GRM7: variants seen among roughly 807,000 people sequenced by gnomAD.
GRM7 encodes glutamate metabotropic receptor 7.
A neutral mutation model predicts 84.5 loss-of-function variants in GRM7; 35 were observed. The observed-to-expected ratio is 0.41, with a 90% confidence interval of 0.32 to 0.55. The LOEUF (loss-of-function observed/expected upper bound fraction) is 0.55, where lower values mean the gene tolerates loss of function less well. Ranked by LOEUF, GRM7 falls within the 20% of genes least tolerant of loss-of-function variation. The pLI is 0.19. For missense variants in GRM7, 1,003 were observed against 1,194.6 expected (o/e 0.84, Z 2.36); for synonymous variants, 487 against 455.1 (o/e 1.07, Z -0.89).
intron 7 of GRM7, among the ~76,000 whole-genome samples, chr3:7,542,807 A>C (rs1692951930): frequency 6.6e-6 from 1 of 151,824 alleles, no homozygotes; most frequent in African/African-American, 2.4e-5. Flanking sequence ...CGGCCTCCCA[A>C]AATTCTGGGA....
chr3:7,333,753 ATAT>A (rs1260777693), intron 4 of GRM7, among the ~76,000 whole-genome samples: 2 of 152,068 alleles, frequency 1.3e-5, no homozygotes, highest in Non-Finnish European at 2.9e-5. Flanking sequence ...AGAGAAATAA[ATAT>A]TATAAAGAAA....
chr3:7,453,811 G>A (rs908863435), intron 6 of GRM7, among the ~76,000 whole-genome samples: 8 of 152,200 alleles, frequency 5.3e-5, no homozygotes, highest in Middle Eastern at 3.4e-3. Context: ...TAGGCTAAGC[G>A]GGAATACCTG....
At chr3:7,258,174 A>T (rs1164629442) in intron 2 of GRM7, among the ~76,000 whole-genome samples, 1 of 152,066 alleles carries the variant, frequency 6.6e-6, no homozygotes, top group Non-Finnish European at 1.5e-5. Flanking sequence ...TTTTTTCTTT[A>T]AATTTAAACC....
chr3:7,666,082 A>T (rs933745619), intron 8 of GRM7, among the ~76,000 whole-genome samples: 2 of 152,178 alleles, frequency 1.3e-5, no homozygotes, highest in Admixed American at 6.5e-5. Flanking sequence ...TGATGATTAT[A>T]TATACTGTGA....
At chr3:7,528,588 T>C (rs1377242643) in intron 7 of GRM7, among the ~76,000 whole-genome samples, 2 of 152,118 alleles carry the variant, frequency 1.3e-5, no homozygotes, top group African/African-American at 4.8e-5. Context: ...CTTGTTTTTA[T>C]AGTTCCTTTA....
chr3:7,347,272 T>C (rs2125086837), intron 4 of GRM7, among the ~76,000 whole-genome samples: 1 of 152,302 alleles, frequency 6.6e-6, no homozygotes, highest in South Asian at 2.1e-4. Flanking sequence ...CTCCTTATAA[T>C]GCCTTAGAGT....
intron 2 of GRM7, among the ~76,000 whole-genome samples, chr3:7,176,282 A>G (rs1400060857): frequency 1.4e-5 from 2 of 143,500 alleles, no homozygotes; most frequent in Non-Finnish European, 3.0e-5. Context: ...GTGGTGGTGC[A>G]TGCCTGTGGT....
chr3:7,675,052 A>C (rs918119610), intron 8 of GRM7, among the ~76,000 whole-genome samples: 3 of 152,240 alleles, frequency 2.0e-5, no homozygotes, highest in African/African-American at 7.2e-5. Context: ...TTTTCTGAGT[A>C]AATTAAATTT....
intron 1 of GRM7, among the ~76,000 whole-genome samples, chr3:7,048,087 G>A (rs1011822921): frequency 2.6e-5 from 4 of 151,892 alleles, no homozygotes; most frequent in Non-Finnish European, 4.4e-5. Flanking sequence ...TTAGCACATT[G>A]AGTTTTTAGA....
intron 1 of GRM7, among the ~76,000 whole-genome samples, chr3:6,974,725 G>C (rs991781026): frequency 6.6e-6 from 1 of 152,164 alleles, no homozygotes; most frequent in Non-Finnish European, 1.5e-5. Flanking sequence ...TCAAGGGAAA[G>C]TTATTTTGTG....
At chr3:7,125,335 T>A (rs909791641) in intron 1 of GRM7, among the ~76,000 whole-genome samples, 5 of 152,196 alleles carry the variant, frequency 3.3e-5, no homozygotes, top group African/African-American at 1.2e-4. Context: ...GAGGCCAGTT[T>A]GGGAAACATA....
At chr3:7,499,968 G>T (rs942253109) in intron 7 of GRM7, among the ~76,000 whole-genome samples, 2 of 152,086 alleles carry the variant, frequency 1.3e-5, no homozygotes, top group Non-Finnish European at 2.9e-5. Context: ...TGGAGACGGG[G>T]TTTCACCGTG....
chr3:7,622,690 A>G (rs1051115253), intron 8 of GRM7, among the ~76,000 whole-genome samples: 2 of 152,076 alleles, frequency 1.3e-5, no homozygotes, highest in African/African-American at 4.8e-5. Context: ...GGTTGCAGGA[A>G]CTGGTTAAAC....
intron 1 of GRM7, among the ~76,000 whole-genome samples, chr3:7,024,815 T>G (rs1340682119): frequency 6.6e-6 from 1 of 152,190 alleles, no homozygotes; most frequent in Non-Finnish European, 1.5e-5. Flanking sequence ...AAATTGATAT[T>G]ATAATGCAGA....
chr3:7,568,267 A>C (rs1694421113), intron 7 of GRM7, among the ~76,000 whole-genome samples: 1 of 152,256 alleles, frequency 6.6e-6, no homozygotes, highest in African/African-American at 2.4e-5. Context: ...AAGATGTATT[A>C]GACTGTTTTC....
chr3:7,078,519 A>G (rs963947930), intron 1 of GRM7, among the ~76,000 whole-genome samples: 11 of 152,190 alleles, frequency 7.2e-5, no homozygotes, highest in African/African-American at 1.7e-4. Context: ...TAATCACTCC[A>G]TCATGTTTTT....
chr3:7,015,371 GATGA>G (rs1695527356), intron 1 of GRM7, among the ~76,000 whole-genome samples: 1 of 152,208 alleles, frequency 6.6e-6, no homozygotes. Context: ...TTGATGGGTA[GATGA>G]ATGAATGTGA....
chr3:6,967,339 T>C (rs1022260666), intron 1 of GRM7, among the ~76,000 whole-genome samples: 3 of 152,130 alleles, frequency 2.0e-5, no homozygotes, highest in African/African-American at 7.2e-5. Flanking sequence ...ACTATAGGCA[T>C]GCCCCACCAA....
chr3:6,940,359 G>A (rs1697846512), intron 1 of GRM7, among the ~76,000 whole-genome samples: 1 of 152,088 alleles, frequency 6.6e-6, no homozygotes, highest in South Asian at 2.1e-4. Flanking sequence ...GAAAGTGCTG[G>A]GATTACAGGA....
Sources: gnomAD v4.1 joint callset for allele counts (sites outside exome capture counted in the v4.1 genomes callset) on GRCh38, gnomAD v4.1.1 for gene constraint, MANE v1.5 for transcripts, NCBI Gene and HGNC (gene_info 2026-07-23, HGNC 2026-07-21) for gene names.